Variants in PCDHGB3 observed in about 807,000 individuals in gnomAD.
PCDHGB3 encodes the protein protocadherin gamma subfamily B, 3.
Under a neutral mutation model 59.2 loss-of-function variants are expected in PCDHGB3, and 40 were observed. The observed-to-expected ratio is 0.68, with a 90% CI of 0.52 to 0.88. The LOEUF is 0.88. PCDHGB3 is among the 40% of genes least tolerant of loss of function. The pLI, the probability that PCDHGB3 is intolerant of heterozygous loss-of-function variation, is 0.00. For missense variants in PCDHGB3, 1,309 were observed against 1,187.9 expected, an observed-to-expected ratio of 1.10 and a Z score of -1.50; for synonymous variants, 581 against 503.6, an observed-to-expected ratio of 1.15 and a Z score of -2.06.
At position 141,384,620 on chromosome 5, in the gene PCDHGB3, G is replaced by C. The variant is rs767421233; in HGVS notation, c.2415+11811G>C. On this transcript the variant is annotated intron_variant, in intron 1 of 3. Coordinates refer to ENST00000576222, the MANE Select transcript of PCDHGB3 (RefSeq NM_018924.5). ...GCCCTCCCCACAGATGGTTCTACTG[G>C]CATGGAGCTGGCACCCCGCTCCGCA... 6 of 1,614,082 alleles carry C rather than the reference G, an allele frequency of 3.7e-6. No homozygotes were observed. The African/African-American group carries it at 8.0e-5, about 22-fold the overall frequency.
chr5:141,465,502 G>A (rs948827391), intron 1 of PCDHGB3, among the ~76,000 whole-genome samples: 6 of 152,268 alleles, frequency 3.9e-5, no homozygotes, highest in Admixed American at 2.0e-4. Context: ...GAGCATTGTC[G>A]TGGTCAGGAA....
Position 141,505,499 on chromosome 5 carries a change from G to T in PCDHGB3, c.2563+18G>T, listed in dbSNP as rs753203943. 4.3e-6 allele frequency: 7 copies of T among 1,614,172 alleles called. No individual in the cohort carries two copies. The South Asian group carries it at 7.7e-5, about 18-fold the overall frequency. ...CGCCAGTGGTAAGTGGTGTCAGTGTGTGTATGGAAGAGTGGGAGACCTGGG... is the reference window on the plus strand; with the variant it reads ...CGCCAGTGGTAAGTGGTGTCAGTGTTTGTATGGAAGAGTGGGAGACCTGGG... On this transcript the variant is annotated intron_variant, in intron 3 of 3. Coordinates refer to ENST00000576222, the MANE Select transcript of PCDHGB3 (RefSeq NM_018924.5).
intron 1 of PCDHGB3, among the ~76,000 whole-genome samples, chr5:141,494,072 C>G (rs2099751672): frequency 6.6e-6 from 1 of 152,160 alleles, no homozygotes; most frequent in Non-Finnish European, 1.5e-5. Flanking sequence ...CTGGATCCCT[C>G]CCCGCTGCAT....
intron 1 of PCDHGB3, chr5:141,404,823 G>A (rs1283913930): frequency 6.2e-7 from 1 of 1,610,946 alleles, no homozygotes. Flanking sequence ...CTGCACACAG[G>A]TGAAGTGCGC....
intron 3 of PCDHGB3, among the ~76,000 whole-genome samples, chr5:141,510,741 C>A (rs11953770): frequency 1.3e-5 from 2 of 152,138 alleles, no homozygotes; most frequent in Non-Finnish European, 1.5e-5. Context: ...GGAATCAAAC[C>A]TAGACTTTCT....
At chr5:141,461,430 A>G (rs1239117668) in intron 1 of PCDHGB3, among the ~76,000 whole-genome samples, 2 of 151,992 alleles carry the variant, frequency 1.3e-5, no homozygotes, top group African/African-American at 4.8e-5. Context: ...GGCCATTTGT[A>G]TACCTTCTTT....
intron 1 of PCDHGB3, among the ~76,000 whole-genome samples, chr5:141,450,313 T>G (rs2098676929): frequency 6.6e-6 from 1 of 152,172 alleles, no homozygotes; most frequent in Middle Eastern, 3.4e-3. Context: ...ATGTGTGGCC[T>G]AGTTGCCATG....
intron 1 of PCDHGB3, among the ~76,000 whole-genome samples, chr5:141,464,139 C>T (rs1200161549): frequency 6.6e-6 from 1 of 151,928 alleles, no homozygotes; most frequent in Admixed American, 6.6e-5. Flanking sequence ...GTGGTGGGCG[C>T]CTGTAGTCCC....
intron 1 of PCDHGB3, among the ~76,000 whole-genome samples, chr5:141,466,757 T>G (rs1486124876): frequency 6.6e-6 from 1 of 152,224 alleles, no homozygotes; most frequent in Non-Finnish European, 1.5e-5. Context: ...AGGGGCTCTT[T>G]TCAAACTGTT....
At chr5:141,406,277 C>T (rs1462690693) in intron 1 of PCDHGB3, among the ~76,000 whole-genome samples, 1 of 151,986 alleles carries the variant, frequency 6.6e-6, no homozygotes, top group Non-Finnish European at 1.5e-5. Flanking sequence ...GCTTCAGTTT[C>T]CCAAAGCACT....
intron 1 of PCDHGB3, chr5:141,383,004 G>C: frequency 6.2e-7 from 1 of 1,613,698 alleles, no homozygotes; most frequent in Non-Finnish European, 8.5e-7. Flanking sequence ...TCTACTCCGT[G>C]TCGGAGGAGA....
chr5:141,439,716 C>T (rs2098127719), intron 1 of PCDHGB3: 1 of 152,476 alleles, frequency 6.6e-6, no homozygotes, highest in Non-Finnish European at 1.5e-5. Flanking sequence ...CCTAGTTCTA[C>T]AAATTATAAG....
intron 1 of PCDHGB3, chr5:141,414,590 G>C (rs1287207695): frequency 1.2e-6 from 2 of 1,613,936 alleles, no homozygotes; most frequent in South Asian, 1.1e-5. Flanking sequence ...AACGCCAGGG[G>C]TGCCTCCATC....
At position 141,410,351 on chromosome 5, in the gene PCDHGB3, C is replaced by T. The variant is rs372351374; in HGVS notation, c.2415+37542C>T. ...TCTGGCCATTGCCTTGCGCCTGCGA[C>T]GCTCTCTCAGCCCTGCTACTTGGGA... On this transcript the variant is annotated intron_variant, in intron 1 of 3. Coordinates refer to ENST00000576222, the MANE Select transcript of PCDHGB3 (RefSeq NM_018924.5). The T allele has an allele frequency of 2.5e-6, 4 of 1,613,948 alleles. No homozygotes were observed. In the African/African-American group the frequency reaches 4.0e-5, roughly 16 times the overall value.
chr5:141,428,459 A>C, intron 1 of PCDHGB3: 2 of 350,154 alleles, frequency 5.7e-6, no homozygotes, highest in Non-Finnish European at 5.5e-6. Context: ...CCCAACTACA[A>C]TGAGGGAACT....
Position 141,408,181 on chromosome 5 carries a change from C to G in PCDHGB3, c.2415+35372C>G, listed in dbSNP as rs1304952667. ...TTTCTCCAACTGGAAAAGCGGGGAC[C>G]CAGCGAGAACCCGAGCGAACGATGG... On this transcript the variant is annotated intron_variant, in intron 1 of 3. Coordinates refer to ENST00000576222, the MANE Select transcript of PCDHGB3 (RefSeq NM_018924.5). The G allele has an allele frequency of 1.6e-5, 24 of 1,536,932 alleles. No individual in the cohort carries two copies. In the East Asian group the frequency reaches 5.6e-4, roughly 36 times the overall value.
chr5:141,372,275 C>T lies in PCDHGB3; in HGVS notation c.1881C>T (p.Arg627=), dbSNP rs1308117997. The change falls in exon 1 of 4, where the codon CGC becomes CGT. Residue 627 remains arginine (R), a synonymous_variant. Transcript: ENST00000576222. ...TGGGCCTGCGCACGGGTGAGGTGCG[C>T]ACGGCGCGTACCTTGGGCGACAGGG... ...FSLGLRTGEV[R]TARTLGDREA... 7 of 1,613,024 alleles carry T rather than the reference C, an allele frequency of 4.3e-6. No homozygotes were observed. The highest frequency in any genetic ancestry group is 2.2e-5 in the South Asian group (2 of 91,062).
Position 141,449,530 on chromosome 5 carries a change from A to G in PCDHGB3, c.2416-45277A>G, listed in dbSNP as rs2098641850. On this transcript the variant is annotated intron_variant, in intron 1 of 3. Transcript: ENST00000576222. ...CTTGAACCTGGGAGGCGGAGGTTGC[A>G]GTGAGCCGAGATCGCACCACTGCAC... Among the ~76,000 whole-genome samples, 4 of 149,684 alleles carry G rather than the reference A, an allele frequency of 2.7e-5. No individual in the cohort carries two copies. The South Asian group carries it at 8.5e-4, about 32-fold the overall frequency.
chr5:141,438,895 A>C (rs2098073582), intron 1 of PCDHGB3, among the ~76,000 whole-genome samples: 1 of 151,640 alleles, frequency 6.6e-6, no homozygotes, highest in Non-Finnish European at 1.5e-5. Flanking sequence ...TGAACTCCTG[A>C]CCTCAGGTGA....
Sources: gnomAD v4.1 joint callset for allele counts (sites outside exome capture counted in the v4.1 genomes callset) on GRCh38, gnomAD v4.1.1 for gene constraint, MANE v1.5 for transcripts, NCBI Gene and HGNC (gene_info 2026-07-23, HGNC 2026-07-21) for gene names.